The following MYBPC2 variants were observed in gnomAD, a reference collection of about 807,000 sequenced individuals.
The protein encoded by MYBPC2 is myosin binding protein C2, also known as myosin-binding protein C, fast-type.
In MYBPC2, 122 loss-of-function variants were observed where a neutral mutation model predicts 137.0. The ratio of observed to expected loss-of-function variants is 0.89; its 90% CI spans 0.77 to 1.03. The LOEUF (loss-of-function observed/expected upper bound fraction) is 1.03, where lower values mean the gene tolerates loss of function less well. Ranked by LOEUF, MYBPC2 falls within the 50% of genes least tolerant of loss-of-function variation. The pLI is 0.00. For synonymous variants in MYBPC2, 626 were observed against 612.3 expected (o/e 1.02, Z -0.33); for missense variants, 1,500 against 1,534.4 (o/e 0.98, Z 0.37).
chr19:50,434,131 G>C (rs2039681579), intron 1 of MYBPC2, among the ~76,000 whole-genome samples: 1 of 152,094 alleles, frequency 6.6e-6, no homozygotes, highest in African/African-American at 2.4e-5. Flanking sequence ...GCCAAGGTGG[G>C]TGGATCACCT....
At chr19:50,441,493 G>T (rs1276433594) in intron 8 of MYBPC2, among the ~76,000 whole-genome samples, 2 of 152,208 alleles carry the variant, frequency 1.3e-5, no homozygotes, top group Non-Finnish European at 2.9e-5. Context: ...TGTCTCTGGG[G>T]TAGCCCTGTT....
At position 50,435,777 on chromosome 19, in the gene MYBPC2, A is replaced by G. The variant is rs1294366282; in HGVS notation, c.111A>G (p.Glu37=). The change falls in exon 3 of 28, where the codon GAA becomes GAG. Residue 37 remains glutamate, a splice_region_variant and synonymous_variant. Coordinates refer to ENST00000357701, the MANE Select transcript of MYBPC2 (RefSeq NM_004533.4). This position sits in a 1 kb window ranked among gnomAD's most constrained non-coding sequence, Gnocchi z 4.8. ...ATCCTAATCCTGTCCCCTGAACAGA[A>G]GCCCCACCCGAGGACCAGTCCCCGA... ...PKEAPAEAPK[E]APPEDQSPTA... is the part of the protein sequence containing the mutation. 6.2e-7 allele frequency: 1 copy of G among 1,607,656 alleles called. No homozygotes were observed. Among genetic ancestry groups the G allele is most frequent in the Admixed American group, 1.7e-5 (1 of 59,642 alleles).
chr19:50,450,267 T>C (rs2039843802), intron 13 of MYBPC2, among the ~76,000 whole-genome samples: 1 of 152,136 alleles, frequency 6.6e-6, no homozygotes, highest in Admixed American at 6.6e-5. Context: ...TTCTTTTCTT[T>C]TCTTTTTTTG....
intron 11 of MYBPC2, among the ~76,000 whole-genome samples, chr19:50,444,163 CATCCATCCATCCATCCATCT>C (rs1268039298): frequency 5.3e-4 from 79 of 149,686 alleles, no homozygotes; most frequent in African/African-American, 1.8e-3. Context: ...TCCATCCATC[CATCCATCCATCCATCCATCT>C]GCTTAACCAT....
Position 50,442,315 on chromosome 19 carries a change from T to G in MYBPC2, c.902+2T>G. The stretch of plus-strand genomic sequence containing the variant: ...CCAGGAGATCAAACCAAGCAGCAAG[T>G]ATGTGTGGGGTGGGCAGTCCCTGCA... On this transcript the variant is annotated splice_donor_variant, in intron 9 of 27. Transcript: ENST00000357701. LOFTEE classifies it high-confidence loss of function. 2 of 1,608,184 alleles carry G rather than the reference T, an allele frequency of 1.2e-6. No homozygotes were observed. Among genetic ancestry groups the G allele is most frequent in the Non-Finnish European group, 1.7e-6 (2 of 1,177,504 alleles).
chr19:50,456,420 C>T (rs1389644207), intron 20 of MYBPC2, among the ~76,000 whole-genome samples: 2 of 142,202 alleles, frequency 1.4e-5, no homozygotes, highest in African/African-American at 5.2e-5. Flanking sequence ...ATATTTCCTT[C>T]GTTTCTCTCT....
chr19:50,446,753 G>A (rs1479465163), intron 12 of MYBPC2, among the ~76,000 whole-genome samples: 1 of 149,702 alleles, frequency 6.7e-6, no homozygotes, highest in African/African-American at 2.5e-5. Flanking sequence ...CCAGGAGGTG[G>A]AGGTTGTGGT....
intron 26 of MYBPC2, among the ~76,000 whole-genome samples, chr19:50,463,938 CA>C (rs5828433): frequency 0.55 from 72,030 of 130,912 alleles, 20,796 homozygotes; most frequent in African/African-American, 0.83. Context: ...GATTCTGTCT[CA>C]AAAAAAAAAA....
chr19:50,454,070 C>T lies in MYBPC2; in HGVS notation c.1800C>T (p.Cys600=), dbSNP rs1311827730. The part of the protein sequence containing the change: ...GRTRIEKRVD[C]SSFVIESAQR... ...CCCGCATCGAGAAGCGGGTGGACTG[C>T]AGCAGCTTTGTGATTGAGAGTGCGC... Residue 600 remains cysteine (C), a synonymous_variant, in exon 17 of 28, where the codon TGC becomes TGT. Transcript: ENST00000357701. 1 of 1,610,542 alleles carries T rather than the reference C, an allele frequency of 6.2e-7. No individual in the cohort carries two copies. The highest frequency in any genetic ancestry group is 8.5e-7 in the Non-Finnish European group (1 of 1,178,526).
intron 26 of MYBPC2, among the ~76,000 whole-genome samples, chr19:50,463,665 A>G (rs1270357101): frequency 1.3e-5 from 2 of 152,148 alleles, no homozygotes; most frequent in Non-Finnish European, 2.9e-5. Flanking sequence ...TGGGCCAGAC[A>G]CGGTGGCTCA....
intron 7 of MYBPC2, among the ~76,000 whole-genome samples, chr19:50,438,430 A>T (rs2039723160): frequency 2.0e-5 from 3 of 152,020 alleles, no homozygotes; most frequent in Non-Finnish European, 2.9e-5. Flanking sequence ...GGATGGATGG[A>T]TGGGGTGGGT....
chr19:50,436,044 G>A lies in MYBPC2; in HGVS notation c.229G>A (p.Gly77Arg), dbSNP rs775004873. 48 of 1,584,366 alleles carry A rather than the reference G, an allele frequency of 3.0e-5. No homozygotes were observed. Among genetic ancestry groups the A allele is most frequent in the East Asian group, 2.3e-4 (10 of 43,230 alleles). ...KDAVVVAKVN[G>R]KELPDKPTIK... The stretch of plus-strand genomic sequence containing the variant: ...CGCAGTGGTCGTGGCCAAGGTGAAC[G>A]GGAAGGAGCTCCCAGACAAACCGAC... The change falls in exon 4 of 28, where the codon GGG (glycine) becomes AGG (arginine). Residue 77 changes from glycine (G) to arginine (R), a missense_variant. Coordinates refer to ENST00000357701, the MANE Select transcript of MYBPC2 (RefSeq NM_004533.4).
At chr19:50,458,824 T>C in intron 21 of MYBPC2, 70 bp downstream of exon 21, 1 of 1,597,796 alleles carries the variant, frequency 6.3e-7, no homozygotes. Context: ...TTCCGTGTCG[T>C]CGACAGGACC....
At position 50,455,496 on chromosome 19, in the gene MYBPC2, C is replaced by T; in HGVS notation, c.2204-14C>T. The T allele has an allele frequency of 6.2e-7, 1 of 1,607,560 alleles. No homozygotes were observed. On this transcript the variant is annotated splice_polypyrimidine_tract_variant and intron_variant, in intron 19 of 27. Transcript: ENST00000357701. ...CTCATTCCCCCCATATCCTCTTTTT[C>T]TGGATGCTTGCAGCACCCACGAGTG...
intron 12 of MYBPC2, 114 bp downstream of exon 12, chr19:50,446,166 C>T (rs1430431697): frequency 3.9e-6 from 5 of 1,274,912 alleles, no homozygotes; most frequent in Non-Finnish European, 5.4e-6. Flanking sequence ...CTTTCCCACA[C>T]ACCCTATGTT....
intron 12 of MYBPC2, among the ~76,000 whole-genome samples, chr19:50,446,403 C>T (rs2039806293): frequency 6.6e-6 from 1 of 151,828 alleles, no homozygotes; most frequent in African/African-American, 2.4e-5. Flanking sequence ...GTCCCAGCTA[C>T]TCAGGAGGCT....
chr19:50,451,283 TCAAGGTGGAGTACGTTCCCAAG>T lies in MYBPC2; in HGVS notation c.1591_1609+3del. The T allele has an allele frequency of 2.5e-6, 4 of 1,613,292 alleles. No homozygotes were observed. Among genetic ancestry groups the T allele is most frequent in the Non-Finnish European group, 3.4e-6 (4 of 1,179,772 alleles). ...TCCAGTCTTCTTTGTCTTGCAGAAA[TCAAGGTGGAGTACGTTCCCAAG>T]CAAGGTGAGCACCACGGGCTGCGCT... On this transcript the variant is annotated frameshift_variant, in exon 15 of 28. Transcript: ENST00000357701. LOFTEE classifies it high-confidence loss of function.
intron 10 of MYBPC2, 23 bp from the exon 11 acceptor site, chr19:50,443,688 C>T (rs2122588101): frequency 1.2e-6 from 2 of 1,611,810 alleles, no homozygotes; most frequent in Non-Finnish European, 1.7e-6. Flanking sequence ...AAACGACTGA[C>T]CTCCTGTCCC....
chr19:50,442,642 T>C (rs45526739), intron 9 of MYBPC2, among the ~76,000 whole-genome samples: 34,246 of 151,472 alleles, frequency 0.23, 3,970 homozygotes, highest in Non-Finnish European at 0.25. Context: ...GGAGGATCGC[T>C]TGAACCCAGG....
Sources: allele counts gnomAD v4.1 joint callset (sites outside exome capture counted in the v4.1 genomes callset), GRCh38; gene constraint gnomAD v4.1.1; non-coding constraint Gnocchi (gnomAD v3.1); transcripts MANE v1.5; gene names NCBI Gene and HGNC (gene_info 2026-07-23, HGNC 2026-07-21).